Variants in ADAMTSL1 observed in about 807,000 individuals in gnomAD.
ADAMTSL1 encodes ADAMTS like 1, also known as ADAMTS-like protein 1.
ADAMTSL1 carries 126 observed loss-of-function variants against 201.8 expected under a neutral mutation model. That is an observed-to-expected ratio of 0.62 (90% CI 0.54 to 0.72). The LOEUF (loss-of-function observed/expected upper bound fraction) is 0.72. Among genes scored for constraint, ADAMTSL1 ranks in the 30% least tolerant of loss-of-function variants. ADAMTSL1 has a pLI of 0.00. For synonymous variants in ADAMTSL1, 1,121 were observed against 903.4 expected (o/e 1.24, Z -4.32); for missense variants, 2,679 against 2,277.8 (o/e 1.18, Z -3.59).
At chr9:18,116,942 G>A (rs1163091807) in intron 1 of ADAMTSL1, among the ~76,000 whole-genome samples, 1 of 152,110 alleles carries the variant, frequency 6.6e-6, no homozygotes, top group Non-Finnish European at 1.5e-5. Context: ...CTTTCTACCT[G>A]TGGCATTCTC....
intron 1 of ADAMTSL1, among the ~76,000 whole-genome samples, chr9:18,058,335 C>T (rs1822289047): frequency 6.6e-6 from 1 of 152,074 alleles, no homozygotes; most frequent in East Asian, 1.9e-4. Flanking sequence ...AAGATTTCTA[C>T]CAAGAGAAGA....
chr9:18,249,931 C>T (rs1587396154), intron 2 of ADAMTSL1, among the ~76,000 whole-genome samples: 1 of 151,996 alleles, frequency 6.6e-6, no homozygotes, highest in East Asian at 1.9e-4. Flanking sequence ...TGAGGTATTC[C>T]CCAATGGAAT....
chr9:18,848,522 T>C (rs1826277338), intron 23 of ADAMTSL1, among the ~76,000 whole-genome samples: 1 of 152,214 alleles, frequency 6.6e-6, no homozygotes, highest in African/African-American at 2.4e-5. Context: ...GCCATGGCCT[T>C]GAGCCTCATG....
chr9:18,326,259 G>A (rs145403131), intron 2 of ADAMTSL1, among the ~76,000 whole-genome samples: 7 of 152,252 alleles, frequency 4.6e-5, no homozygotes, highest in East Asian at 1.9e-4. Context: ...GAATCAGAAC[G>A]GTGATTACCT....
chr9:18,898,004 C>G (rs149059843), intron 26 of ADAMTSL1, among the ~76,000 whole-genome samples: 1 of 147,648 alleles, frequency 6.8e-6, no homozygotes, highest in Admixed American at 6.8e-5. Context: ...GGTAAAACCC[C>G]ATCTCTACTA....
At chr9:18,507,904 G>A (rs770696815) in intron 2 of ADAMTSL1, among the ~76,000 whole-genome samples, 2 of 152,094 alleles carry the variant, frequency 1.3e-5, no homozygotes, top group Non-Finnish European at 2.9e-5. Context: ...ATTCAGTTTG[G>A]CCAGGCACAG....
At chr9:18,542,398 CT>C (rs1447311663) in intron 3 of ADAMTSL1, among the ~76,000 whole-genome samples, 1 of 152,140 alleles carries the variant, frequency 6.6e-6, no homozygotes, top group Admixed American at 6.6e-5. Context: ...GAATTATGTC[CT>C]CATTCCATTA....
intron 2 of ADAMTSL1, among the ~76,000 whole-genome samples, chr9:18,365,619 C>A (rs1836732362): frequency 6.6e-6 from 1 of 151,910 alleles, no homozygotes; most frequent in Non-Finnish European, 1.5e-5. Flanking sequence ...GGAACAAGAG[C>A]AGTTTTTTAG....
chr9:18,709,146 A>G (rs1371582852), intron 14 of ADAMTSL1, among the ~76,000 whole-genome samples: 1 of 152,202 alleles, frequency 6.6e-6, no homozygotes, highest in African/African-American at 2.4e-5. Context: ...CCAAGGTAAT[A>G]TATTTAAGCC....
intron 2 of ADAMTSL1, among the ~76,000 whole-genome samples, chr9:18,256,522 A>G (rs1831693844): frequency 6.6e-6 from 1 of 152,216 alleles, no homozygotes; most frequent in African/African-American, 2.4e-5. Flanking sequence ...ACACTATCCT[A>G]GATGTTAGAT....
At chr9:17,931,192 C>CTT in intron 1 of ADAMTSL1, among the ~76,000 whole-genome samples, 1 of 152,304 alleles carries the variant, frequency 6.6e-6, no homozygotes, top group South Asian at 2.1e-4. Flanking sequence ...TGAGCCAAAG[C>CTT]TTACCTGGCC....
At chr9:18,038,757 A>T (rs539646124) in intron 1 of ADAMTSL1, among the ~76,000 whole-genome samples, 2 of 152,320 alleles carry the variant, frequency 1.3e-5, no homozygotes, top group South Asian at 2.1e-4. Flanking sequence ...TGAAGTTTAG[A>T]TAATGAGCAT....
At chr9:17,945,748 T>C (rs1039251626) in intron 1 of ADAMTSL1, among the ~76,000 whole-genome samples, 1 of 141,180 alleles carries the variant, frequency 7.1e-6, no homozygotes, top group African/African-American at 2.7e-5. Context: ...TTCTCACTCA[T>C]AGGTGGGAAT....
Position 18,224,789 on chromosome 9 carries a change from A to C in ADAMTSL1, c.207+60808A>C, listed in dbSNP as rs1830384915. On this transcript the variant is annotated intron_variant, in intron 2 of 29. Transcript: ENST00000680146. ...AGGCATGGTCACAGTACTCCTATTG[A>C]ATAGTGATATAGCTGGGATTATACT... Among the ~76,000 whole-genome samples, 3 of 152,274 alleles carry C rather than the reference A, an allele frequency of 2.0e-5. No homozygotes were observed. The South Asian group carries it at 6.2e-4, about 32-fold the overall frequency.
At chr9:18,736,241 C>T (rs1447313224) in intron 15 of ADAMTSL1, among the ~76,000 whole-genome samples, 2 of 152,100 alleles carry the variant, frequency 1.3e-5, no homozygotes, top group African/African-American at 2.4e-5. Flanking sequence ...CTGTGGCTTT[C>T]GGGGGTTAGG....
chr9:17,994,179 C>A (rs763971026), intron 1 of ADAMTSL1, among the ~76,000 whole-genome samples: 16 of 152,058 alleles, frequency 1.1e-4, no homozygotes, highest in Non-Finnish European at 1.8e-4. Context: ...GCATCAAAGG[C>A]CCTGACTAAT....
At chr9:18,178,466 G>T (rs2132161574) in intron 2 of ADAMTSL1, among the ~76,000 whole-genome samples, 1 of 152,264 alleles carries the variant, frequency 6.6e-6, no homozygotes, top group Non-Finnish European at 1.5e-5. Context: ...GCCCGCCATT[G>T]CCCAGGCTTG....
At chr9:18,398,376 C>T (rs188456750) in intron 2 of ADAMTSL1, among the ~76,000 whole-genome samples, 1 of 152,238 alleles carries the variant, frequency 6.6e-6, no homozygotes, top group East Asian at 1.9e-4. Context: ...TCATCAGATA[C>T]AGCTATATGC....
intron 1 of ADAMTSL1, among the ~76,000 whole-genome samples, chr9:18,478,694 C>T (rs1344752310): frequency 6.6e-6 from 1 of 151,994 alleles, no homozygotes; most frequent in Non-Finnish European, 1.5e-5. Flanking sequence ...GTAGAGTGAC[C>T]CAGAAGTGAC....
Sources: allele counts gnomAD v4.1 joint callset (sites outside exome capture counted in the v4.1 genomes callset), GRCh38; gene constraint gnomAD v4.1.1; transcripts MANE v1.5; gene names NCBI Gene and HGNC (gene_info 2026-07-23, HGNC 2026-07-21).